Variants in VSTM2B observed in about 807,000 individuals in gnomAD.
The protein encoded by VSTM2B is V-set and transmembrane domain containing 2B.
Under a neutral mutation model 24.0 loss-of-function variants are expected in VSTM2B, and 24 were observed. That is an observed-to-expected ratio of 1.00 (90% confidence interval 0.72 to 1.40). The LOEUF is 1.40. Among genes scored for constraint, VSTM2B ranks in the 40% most tolerant of loss-of-function variants. The pLI is 0.00. For missense variants in VSTM2B, 399 were observed against 416.4 expected (o/e 0.96, Z 0.36); for synonymous variants, 226 against 194.4 (o/e 1.16, Z -1.35).
chr19:29,539,328 G>T (rs181810732), intron 4 of VSTM2B, among the ~76,000 whole-genome samples: 1 of 152,268 alleles, frequency 6.6e-6, no homozygotes, highest in African/African-American at 2.4e-5. Context: ...TGATGTGAGG[G>T]GGTAGGGCCT....
chr19:29,530,727 T>C (rs1319846740), intron 4 of VSTM2B, among the ~76,000 whole-genome samples: 1 of 152,140 alleles, frequency 6.6e-6, no homozygotes, highest in Non-Finnish European at 1.5e-5. Flanking sequence ...CGGTTAAAAC[T>C]TGAGTTGCGT....
chr19:29,551,176 A>G (rs1970276541), intron 4 of VSTM2B, among the ~76,000 whole-genome samples: 1 of 152,196 alleles, frequency 6.6e-6, no homozygotes, highest in Non-Finnish European at 1.5e-5. Context: ...TCCACAGCAT[A>G]GAAACAGATA....
intron 4 of VSTM2B, among the ~76,000 whole-genome samples, chr19:29,553,267 G>A (rs902786128): frequency 4.6e-5 from 7 of 152,178 alleles, no homozygotes; most frequent in African/African-American, 1.7e-4. Context: ...TTGCTGTTCT[G>A]TAGCCTCCAC....
intron 3 of VSTM2B, 134 bp from the exon 4 acceptor site, chr19:29,529,685 C>T (rs1192681992): frequency 5.7e-6 from 5 of 884,544 alleles, no homozygotes; most frequent in East Asian, 5.5e-5. Context: ...AAAGGGAAGC[C>T]GGATCGTGAT....
At chr19:29,546,681 C>A (rs149047628) in intron 4 of VSTM2B, among the ~76,000 whole-genome samples, 1 of 151,050 alleles carries the variant, frequency 6.6e-6, no homozygotes, top group South Asian at 2.1e-4. Flanking sequence ...CCCCCACCCC[C>A]ACCCCGGTGC....
At chr19:29,536,825 C>T (rs1449508942) in intron 4 of VSTM2B, among the ~76,000 whole-genome samples, 1 of 152,150 alleles carries the variant, frequency 6.6e-6, no homozygotes, top group African/African-American at 2.4e-5. Context: ...ATCCTTAAAG[C>T]TCTGAATATT....
Position 29,526,413 on chromosome 19 carries a change from C to A in VSTM2B, c.-171C>A. 4.2e-6 allele frequency: 1 copy of A among 235,872 alleles called. No individual in the cohort carries two copies. The highest frequency in any genetic ancestry group is 1.0e-4 in the East Asian group (1 of 9,952). The allele number at this position is 235,872 out of a possible 1,614,324, so 14.6% of individuals were successfully genotyped here. On this transcript the variant is annotated 5_prime_UTR_variant, in exon 1 of 5. Coordinates refer to ENST00000335523, the MANE Select transcript of VSTM2B (RefSeq NM_001146339.2). The surrounding 1 kb of genome is among the most constrained non-coding windows in gnomAD (Gnocchi z 4.1). ...CCCGCCGGAGCCGCACCGGGCAAGC[C>A]GGCGAGGGAGCGGGGCTGATTGGCG... is the stretch of plus-strand genomic sequence containing the variant.
intron 4 of VSTM2B, among the ~76,000 whole-genome samples, chr19:29,550,535 TCCATGG>T (rs968911512): frequency 6.6e-6 from 1 of 152,086 alleles, no homozygotes; most frequent in Non-Finnish European, 1.5e-5. Flanking sequence ...CTGTGAGACC[TCCATGG>T]TTGTCCTCAT....
Position 29,530,129 on chromosome 19 carries a change from C to T in VSTM2B, c.608C>T (p.Pro203Leu). The T allele has an allele frequency of 6.9e-7, 1 of 1,448,208 alleles. No individual in the cohort carries two copies. The highest frequency in any genetic ancestry group is 9.0e-7 in the Non-Finnish European group (1 of 1,108,686). The allele number at this position is 1,448,208 out of a possible 1,614,324, so 89.7% of individuals were successfully genotyped here. ...SEPGRGDKSP[P>L]PGSPPAAIDP... ...CCCGGCCGCGGCGACAAGAGCCCGCCGCCCGGGAGCCCTCCCGCCGCCATC... is the reference window on the plus strand; with the variant it reads ...CCCGGCCGCGGCGACAAGAGCCCGCTGCCCGGGAGCCCTCCCGCCGCCATC... Residue 203 changes from proline (P) to leucine (L), a missense_variant, in exon 4 of 5, where the codon CCG becomes CTG. By Grantham distance (98) the Pro-to-Leu change is moderately conservative. Transcript: ENST00000335523.
At chr19:29,548,890 G>T (rs80118240) in intron 4 of VSTM2B, among the ~76,000 whole-genome samples, 2 of 152,232 alleles carry the variant, frequency 1.3e-5, no homozygotes. Flanking sequence ...GGGCCAGGTT[G>T]GCTGAGCAAA....
At position 29,527,356 on chromosome 19, in the gene VSTM2B, G is replaced by C. The variant is rs561242445; in HGVS notation, c.228G>C (p.Leu76=). Reference sequence around the variant, plus strand: ...TCAAGGAGCCACCCCGGGAGCTGCTGCACGAGCTGGCGCTCAGCGTGCCGG... The same window carrying C: ...TCAAGGAGCCACCCCGGGAGCTGCTCCACGAGCTGGCGCTCAGCGTGCCGG... ...WYLKEPPREL[L]HELALSVPGA... is the part of the protein sequence containing the mutation. Residue 76 remains leucine (L), a synonymous_variant, in exon 2 of 5, where the codon CTG becomes CTC. Transcript: ENST00000335523. 6.5e-6 allele frequency: 10 copies of C among 1,546,410 alleles called. No homozygotes were observed. In the African/African-American group the frequency reaches 1.1e-4, roughly 17 times the overall value.
At chr19:29,537,832 C>A (rs944136714) in intron 4 of VSTM2B, among the ~76,000 whole-genome samples, 8 of 147,854 alleles carry the variant, frequency 5.4e-5, no homozygotes, top group Non-Finnish European at 1.2e-4. Context: ...GACAGAGCAC[C>A]CCCTAAAAGT....
intron 4 of VSTM2B, among the ~76,000 whole-genome samples, chr19:29,552,540 G>A (rs1313411370): frequency 6.6e-6 from 1 of 152,208 alleles, no homozygotes; most frequent in Admixed American, 6.5e-5. Context: ...AGGAAACCAT[G>A]CTATTTCCAC....
At chr19:29,552,444 C>T (rs541394575) in intron 4 of VSTM2B, among the ~76,000 whole-genome samples, 7 of 152,198 alleles carry the variant, frequency 4.6e-5, no homozygotes, top group Admixed American at 1.3e-4. Flanking sequence ...CAGGGTGGTG[C>T]GGTGGCCCAC....
chr19:29,540,597 T>A (rs183028411), intron 4 of VSTM2B, among the ~76,000 whole-genome samples: 3 of 152,364 alleles, frequency 2.0e-5, no homozygotes, highest in African/African-American at 7.2e-5. Context: ...CCTGGTTCAT[T>A]CTCACTGCTG....
intron 4 of VSTM2B, among the ~76,000 whole-genome samples, chr19:29,556,628 C>T (rs1970416236): frequency 6.6e-6 from 1 of 152,104 alleles, no homozygotes; most frequent in Non-Finnish European, 1.5e-5. Context: ...TCTAGAAAAC[C>T]CCATTGTCTC....
chr19:29,538,851 G>A (rs1041170655), intron 4 of VSTM2B, among the ~76,000 whole-genome samples: 6 of 152,016 alleles, frequency 3.9e-5, no homozygotes, highest in Non-Finnish European at 8.8e-5. Flanking sequence ...CCATTCGTGG[G>A]GGATCCACTC....
At chr19:29,528,967 G>T in intron 3 of VSTM2B, 1 of 985,478 alleles carries the variant, frequency 1.0e-6, no homozygotes, top group African/African-American at 1.7e-5. Context: ...GGTAGGGGGT[G>T]GTTGTGCCAG....
Position 29,526,582 on chromosome 19 carries a change from A to T in VSTM2B, c.-2A>T. 6.6e-7 allele frequency: 1 copy of T among 1,514,488 alleles called. No homozygotes were observed. The highest frequency in any genetic ancestry group is 1.2e-5 in the South Asian group (1 of 81,526). The allele number at this position is 1,514,488 out of a possible 1,614,324, so 93.8% of individuals were successfully genotyped here. On this transcript the variant is annotated 5_prime_UTR_variant, in exon 1 of 5. Transcript: ENST00000335523. This position sits in a 1 kb window ranked among gnomAD's most constrained non-coding sequence, Gnocchi z 4.1. Reference sequence around the variant, plus strand: ...CCGCCGCCACCGCGCCCCCCGCGGGAGATGGAACAGCGGAACCGGCTCGGT... The same window carrying T: ...CCGCCGCCACCGCGCCCCCCGCGGGTGATGGAACAGCGGAACCGGCTCGGT...
Sources: gnomAD v4.1 joint callset for allele counts (sites outside exome capture counted in the v4.1 genomes callset) on GRCh38, gnomAD v4.1.1 for gene constraint, Gnocchi (gnomAD v3.1) non-coding constraint, MANE v1.5 for transcripts, NCBI Gene and HGNC (gene_info 2026-07-23, HGNC 2026-07-21) for gene names.